CDC14A: variants seen among roughly 807,000 people sequenced by gnomAD.
CDC14A encodes the protein cell division cycle 14A, also known as dual specificity protein phosphatase CDC14A.
Under a neutral mutation model 74.4 loss-of-function variants are expected in CDC14A, and 53 were observed. That is an observed-to-expected ratio of 0.71 (90% CI 0.57 to 0.89). The LOEUF is 0.89. CDC14A is among the 40% of genes least tolerant of loss of function. CDC14A has a pLI of 0.00. For missense variants in CDC14A, 646 were observed against 713.7 expected (o/e 0.91, Z 1.08); for synonymous variants, 247 against 258.4 (o/e 0.96, Z 0.43).
chr1:100,396,062 G>T (rs1265009743), intron 4 of CDC14A, among the ~76,000 whole-genome samples: 1 of 152,140 alleles, frequency 6.6e-6, no homozygotes, highest in Non-Finnish European at 1.5e-5. Context: ...GCATTTACTT[G>T]CTTATTATCT....
chr1:100,381,320 G>A (rs994857687), intron 3 of CDC14A, among the ~76,000 whole-genome samples: 12 of 152,100 alleles, frequency 7.9e-5, no homozygotes, highest in African/African-American at 2.4e-4. Flanking sequence ...CTCTAATAAC[G>A]TCTTAAATGC....
At chr1:100,375,325 A>C (rs1233800314) in intron 2 of CDC14A, among the ~76,000 whole-genome samples, 1 of 152,234 alleles carries the variant, frequency 6.6e-6, no homozygotes, top group Non-Finnish European at 1.5e-5. Flanking sequence ...AGCTAGGGGA[A>C]TGTTGTGTAA....
In CDC14A at chr1:100,353,805, A is replaced by G. The variant is rs766341800; in HGVS notation, c.93A>G (p.Thr31=). 3.7e-6 allele frequency: 6 copies of G among 1,609,662 alleles called. No individual in the cohort carries two copies. The highest frequency in any genetic ancestry group is 4.2e-6 in the Non-Finnish European group (5 of 1,177,050). Reference sequence around the variant, plus strand: ...CTTTAAGGAATAGACCAAAAAGCACAGTAAATACCCACTATTTCTCCATCG... The same window carrying G: ...CTTTAAGGAATAGACCAAAAAGCACGGTAAATACCCACTATTTCTCCATCG... ...FATLRNRPKS[T]VNTHYFSIDE... The change falls in exon 2 of 16, where the codon ACA becomes ACG. Residue 31 remains threonine (T), a synonymous_variant. Coordinates refer to ENST00000336454, the MANE Select transcript of CDC14A (RefSeq NM_003672.4).
At chr1:100,407,276 A>G (rs982120929) in intron 4 of CDC14A, among the ~76,000 whole-genome samples, 1 of 152,202 alleles carries the variant, frequency 6.6e-6, no homozygotes, top group African/African-American at 2.4e-5. Context: ...CATTGTATCT[A>G]TAAATGACTT....
intron 4 of CDC14A, among the ~76,000 whole-genome samples, chr1:100,395,224 C>G (rs1658307238): frequency 6.6e-6 from 1 of 152,204 alleles, no homozygotes; most frequent in South Asian, 2.1e-4. Context: ...GTTTCCTTAT[C>G]TGCTTCACAG....
intron 2 of CDC14A, among the ~76,000 whole-genome samples, chr1:100,357,617 C>T (rs182446182): frequency 2.2e-3 from 328 of 152,042 alleles, no homozygotes; most frequent in Non-Finnish European, 3.8e-3. Flanking sequence ...TTAAATGCTG[C>T]TTTTCCAGCT....
intron 6 of CDC14A, among the ~76,000 whole-genome samples, chr1:100,442,397 A>G (rs1047835663): frequency 6.8e-6 from 1 of 146,802 alleles, no homozygotes; most frequent in Non-Finnish European, 1.5e-5. Context: ...TATTATATAT[A>G]AATATATATA....
At chr1:100,474,608 T>TA (rs1553192824) in intron 10 of CDC14A, among the ~76,000 whole-genome samples, 1 of 22,786 alleles carries the variant, frequency 4.4e-5, no homozygotes, top group South Asian at 3.7e-3. Flanking sequence ...TTGTGGAGTG[T>TA]GTTTTTTTTT....
intron 5 of CDC14A, among the ~76,000 whole-genome samples, chr1:100,425,124 C>T (rs1043086041): frequency 2.0e-4 from 31 of 152,222 alleles, no homozygotes; most frequent in Middle Eastern, 3.4e-3. Context: ...GCTGAGATCG[C>T]CCCACTACAC....
chr1:100,411,414 A>C (rs1000747285), intron 4 of CDC14A, among the ~76,000 whole-genome samples: 3 of 151,974 alleles, frequency 2.0e-5, no homozygotes, highest in Admixed American at 2.0e-4. Flanking sequence ...TATTGCTTTA[A>C]AAAGTTTTTT....
intron 2 of CDC14A, among the ~76,000 whole-genome samples, chr1:100,357,605 A>C (rs2100884456): frequency 6.6e-6 from 1 of 152,166 alleles, no homozygotes; most frequent in East Asian, 1.9e-4. Context: ...TGAATGTTTA[A>C]ATTAAATGCT....
chr1:100,420,090 T>C (rs1265158198), intron 4 of CDC14A, among the ~76,000 whole-genome samples: 1 of 67,790 alleles, frequency 1.5e-5, no homozygotes, highest in South Asian at 5.1e-4. Flanking sequence ...ATAGTGTGTA[T>C]GTGTGTGTGT....
At chr1:100,430,647 G>A (rs1663545200) in intron 5 of CDC14A, among the ~76,000 whole-genome samples, 1 of 152,154 alleles carries the variant, frequency 6.6e-6, no homozygotes, top group Non-Finnish European at 1.5e-5. Flanking sequence ...GTAAACATGT[G>A]CTGGTAGACG....
At chr1:100,476,945 G>A (rs918850498) in intron 10 of CDC14A, among the ~76,000 whole-genome samples, 1 of 152,162 alleles carries the variant, frequency 6.6e-6, no homozygotes, top group East Asian at 1.9e-4. Context: ...TTAGAAGAGG[G>A]ACCCAGGGGG....
rs915924983 is a variant in CDC14A at position 100,519,880 on chromosome 1, C to G, written c.*1600C>G. 2 of 151,718 alleles carry G rather than the reference C, an allele frequency of 1.3e-5. No homozygotes were observed. Among genetic ancestry groups the G allele is most frequent in the African/African-American group, 4.8e-5 (2 of 41,310 alleles). 9.4% of individuals were successfully genotyped at this position (151,718 alleles called of 1,614,324 possible). On this transcript the variant is annotated 3_prime_UTR_variant, in exon 16 of 16. Transcript: ENST00000336454. ...TATAGGAAGATGACAGTATTTTTTT[C>G]AAGTTATCATAAAAAGTAATTCAGA...
chr1:100,437,308 T>C (rs974943904), intron 5 of CDC14A, among the ~76,000 whole-genome samples: 2 of 152,242 alleles, frequency 1.3e-5, no homozygotes, highest in East Asian at 3.8e-4. Flanking sequence ...TTCACTGTTA[T>C]AGTATTTTCC....
At chr1:100,402,435 A>C (rs1051582183) in intron 4 of CDC14A, among the ~76,000 whole-genome samples, 1 of 152,214 alleles carries the variant, frequency 6.6e-6, no homozygotes, top group Non-Finnish European at 1.5e-5. Flanking sequence ...AAATTTTTTG[A>C]AAAATGAGGT....
chr1:100,368,448 A>C (rs1653962517), intron 2 of CDC14A, among the ~76,000 whole-genome samples: 1 of 152,248 alleles, frequency 6.6e-6, no homozygotes, highest in Non-Finnish European at 1.5e-5. Flanking sequence ...ATAGGTTCAT[A>C]TGTGAACCAT....
At chr1:100,345,761 T>C (rs1443897521) in intron 1 of CDC14A, among the ~76,000 whole-genome samples, 2 of 152,374 alleles carry the variant, frequency 1.3e-5, no homozygotes, top group Non-Finnish European at 2.9e-5. Flanking sequence ...AGAACTGAGA[T>C]GTAAATTGCT....
Sources: allele counts gnomAD v4.1 joint callset (sites outside exome capture counted in the v4.1 genomes callset), GRCh38; gene constraint gnomAD v4.1.1; transcripts MANE v1.5; gene names NCBI Gene and HGNC (gene_info 2026-07-23, HGNC 2026-07-21).